SCAPER: variants seen among roughly 807,000 people sequenced by gnomAD.
SCAPER encodes the protein S-phase cyclin A associated protein in the ER, also known as S phase cyclin A-associated protein in the endoplasmic reticulum.
In SCAPER, 98 loss-of-function variants were observed where a neutral mutation model predicts 182.2. That is an observed-to-expected ratio of 0.54 (90% CI 0.46 to 0.64). The LOEUF (loss-of-function observed/expected upper bound fraction) is 0.64. Ranked by LOEUF, SCAPER falls within the 30% of genes least tolerant of loss-of-function variation. The pLI, the probability that SCAPER is intolerant of heterozygous loss-of-function variation, is 0.00. For synonymous variants in SCAPER, 605 were observed against 564.6 expected (o/e 1.07, Z -1.01); for missense variants, 1,432 against 1,690.0 (o/e 0.85, Z 2.68).
At chr15:76,863,496 G>C (rs973736959) in intron 2 of SCAPER, among the ~76,000 whole-genome samples, 6 of 152,254 alleles carry the variant, frequency 3.9e-5, no homozygotes, top group African/African-American at 1.2e-4. Context: ...ATTACTATGT[G>C]CAAAAGCATC....
At chr15:76,724,114 C>A (rs543771995) in intron 17 of SCAPER, among the ~76,000 whole-genome samples, 1 of 150,512 alleles carries the variant, frequency 6.6e-6, no homozygotes, top group African/African-American at 2.4e-5. Context: ...TTAGGGCAGG[C>A]CTGGTAGTGA....
At chr15:76,416,775 T>TA (rs1274364230) in intron 26 of SCAPER, among the ~76,000 whole-genome samples, 4 of 152,142 alleles carry the variant, frequency 2.6e-5, no homozygotes, top group African/African-American at 7.2e-5. Flanking sequence ...TCTGAAAAAG[T>TA]AAAAAACTAA....
At chr15:76,517,903 TAA>T (rs35628491) in intron 23 of SCAPER, among the ~76,000 whole-genome samples, 4 of 145,338 alleles carry the variant, frequency 2.8e-5, no homozygotes, top group Non-Finnish European at 4.5e-5. Context: ...CACTAGCAGC[TAA>T]AAAAAAAAAT....
chr15:76,555,583 T>C (rs149843143), intron 23 of SCAPER, among the ~76,000 whole-genome samples: 6 of 152,032 alleles, frequency 3.9e-5, no homozygotes, highest in Admixed American at 2.6e-4. Context: ...AAAGCAGGGG[T>C]TGCTTTCTAA....
At chr15:76,792,062 G>C (rs989700196) in intron 8 of SCAPER, among the ~76,000 whole-genome samples, 2 of 150,628 alleles carry the variant, frequency 1.3e-5, no homozygotes, top group Non-Finnish European at 3.0e-5. Context: ...ATTTTAGCTG[G>C]AGGCTCTATA....
intron 5 of SCAPER, among the ~76,000 whole-genome samples, chr15:76,805,073 G>C (rs1234816147): frequency 1.3e-5 from 2 of 152,066 alleles, no homozygotes; most frequent in African/African-American, 4.8e-5. Flanking sequence ...AATTAACAAT[G>C]TTTTTCAAGG....
chr15:76,623,168 T>G (rs906558921), intron 21 of SCAPER, among the ~76,000 whole-genome samples: 1 of 152,262 alleles, frequency 6.6e-6, no homozygotes, highest in African/African-American at 2.4e-5. Context: ...GGATGCATAG[T>G]TTGTGAAATA....
chr15:76,532,860 A>G (rs925835290), intron 23 of SCAPER, among the ~76,000 whole-genome samples: 14 of 152,182 alleles, frequency 9.2e-5, no homozygotes, highest in Non-Finnish European at 1.5e-5. Flanking sequence ...AAGTGAGAGT[A>G]ACAGCAAGGG....
At chr15:76,628,989 T>C (rs1215879164) in intron 21 of SCAPER, among the ~76,000 whole-genome samples, 2 of 152,238 alleles carry the variant, frequency 1.3e-5, no homozygotes, top group East Asian at 3.8e-4. Flanking sequence ...GTCCTTCACT[T>C]CCCTTGTTAG....
At chr15:76,771,598 A>C in intron 10 of SCAPER, 144 bp downstream of exon 10, 1 of 616,362 alleles carries the variant, frequency 1.6e-6, no homozygotes, top group Non-Finnish European at 2.6e-6. Context: ...AAGTTTACCA[A>C]AATAATAAAA....
At position 76,548,400 on chromosome 15, in the gene SCAPER, T is replaced by C. The variant is rs912326702; in HGVS notation, c.2838+25758A>G. 3.3e-5 allele frequency among the ~76,000 whole-genome samples: 5 copies of C among 152,180 alleles called. No individual in the cohort carries two copies. In the South Asian group the frequency reaches 8.3e-4, roughly 25 times the overall value. On this transcript the variant is annotated intron_variant, in intron 23 of 31. Coordinates refer to ENST00000563290, the MANE Select transcript of SCAPER (RefSeq NM_020843.4). ...TTCTAGGATTTGACATTTTCGGCGA[T>C]TAGGAATTACTGTATTTTGTAGATG...
At chr15:76,803,203 C>T (rs1403312602) in intron 6 of SCAPER, among the ~76,000 whole-genome samples, 2 of 152,338 alleles carry the variant, frequency 1.3e-5, no homozygotes, top group East Asian at 3.9e-4. Context: ...CTACTCTCCC[C>T]TTGTTCTTTT....
intron 15 of SCAPER, among the ~76,000 whole-genome samples, chr15:76,741,755 G>A (rs932425909): frequency 2.0e-5 from 3 of 152,110 alleles, no homozygotes; most frequent in Non-Finnish European, 4.4e-5. Flanking sequence ...AGGTTAATGG[G>A]TGACTAGTTA....
intron 21 of SCAPER, among the ~76,000 whole-genome samples, chr15:76,635,996 GA>G (rs1487044015): frequency 6.6e-6 from 1 of 152,144 alleles, no homozygotes; most frequent in African/African-American, 2.4e-5. Flanking sequence ...ATTCATAAGG[GA>G]CATTGGTCTG....
chr15:76,446,883 C>T (rs556728495), intron 25 of SCAPER, among the ~76,000 whole-genome samples: 3 of 152,276 alleles, frequency 2.0e-5, no homozygotes, highest in South Asian at 2.1e-4. Flanking sequence ...AACCATACTT[C>T]GAGTACCTAT....
intron 2 of SCAPER, among the ~76,000 whole-genome samples, chr15:76,879,676 A>G (rs1379492607): frequency 1.3e-5 from 2 of 152,158 alleles, no homozygotes; most frequent in East Asian, 3.9e-4. Context: ...AGCCAACTCT[A>G]CTTGCTACTG....
intron 27 of SCAPER, among the ~76,000 whole-genome samples, chr15:76,401,627 T>C (rs1422704712): frequency 6.6e-6 from 1 of 152,204 alleles, no homozygotes; most frequent in Non-Finnish European, 1.5e-5. Flanking sequence ...CTAACATTTA[T>C]GGAGCTCATT....
At chr15:76,784,425 AG>A (rs2064418038) in intron 8 of SCAPER, among the ~76,000 whole-genome samples, 2 of 152,360 alleles carry the variant, frequency 1.3e-5, no homozygotes, top group South Asian at 4.1e-4. Flanking sequence ...GCTCATGGAC[AG>A]GAAGAATCAA....
rs146682695 is a variant in SCAPER at position 76,751,998 on chromosome 15, G to T, written c.1866+1810C>A. 2.7e-5 allele frequency among the ~76,000 whole-genome samples: 4 copies of T among 150,664 alleles called. No homozygotes were observed. The East Asian group carries it at 5.8e-4, about 22-fold the overall frequency. On this transcript the variant is annotated intron_variant, in intron 15 of 31. Coordinates refer to ENST00000563290, the MANE Select transcript of SCAPER (RefSeq NM_020843.4). ...TCATATCTTTGATTTAAAACAAATT[G>T]ATATCAAGAATATATACAGAAGTCT...
Sources: gnomAD v4.1 joint callset for allele counts (sites outside exome capture counted in the v4.1 genomes callset) on GRCh38, gnomAD v4.1.1 for gene constraint, MANE v1.5 for transcripts, NCBI Gene and HGNC (gene_info 2026-07-23, HGNC 2026-07-21) for gene names.